The following SLC36A4 variants were observed in gnomAD, a reference collection of about 807,000 sequenced individuals.
SLC36A4 encodes the protein solute carrier family 36 member 4.
A neutral mutation model predicts 50.5 loss-of-function variants in SLC36A4; 49 were observed. The ratio of observed to expected loss-of-function variants is 0.97; its 90% CI spans 0.77 to 1.23. The LOEUF (loss-of-function observed/expected upper bound fraction) is 1.23, where lower values mean the gene tolerates loss of function less well. Among genes scored for constraint, SLC36A4 ranks in the 50% most tolerant of loss-of-function variants. The pLI is 0.00. For missense variants in SLC36A4, 611 were observed against 608.4 expected (o/e 1.00, Z -0.05); for synonymous variants, 207 against 206.5 (o/e 1.00, Z -0.02).
chr11:93,182,252 C>A (rs1220050684), intron 4 of SLC36A4: 1 of 844,634 alleles, frequency 1.2e-6, no homozygotes, highest in Non-Finnish European at 1.4e-6. Context: ...TTTTTTTTCC[C>A]AAGTATACAT....
At position 93,197,857 on chromosome 11, in the gene SLC36A4, C is replaced by A. The variant is rs1862500364; in HGVS notation, c.-25G>T. On this transcript the variant is annotated 5_prime_UTR_variant, in exon 1 of 11. Transcript: ENST00000326402. The stretch of plus-strand genomic sequence containing the variant: ...TCTCTCGCGGGTCTCCAGGACGCCG[C>A]CGCCCGAGTGCTCACTCTCCCGCCG... 2 of 1,536,306 alleles carry A rather than the reference C, an allele frequency of 1.3e-6. No homozygotes were observed. Among genetic ancestry groups the A allele is most frequent in the African/African-American group, 1.4e-5 (1 of 70,566 alleles).
At position 93,180,219 on chromosome 11, in the gene SLC36A4, A is replaced by AT. The variant is rs1011075018; in HGVS notation, c.540+577dup. On this transcript the variant is annotated intron_variant, in intron 6 of 10. Coordinates refer to ENST00000326402, the MANE Select transcript of SLC36A4 (RefSeq NM_152313.4). The stretch of plus-strand genomic sequence containing the variant: ...TTTATAGTATTGTTTTGATGGAGGG[A>AT]TTTTTTATTTCATTGCTTTCCATAT... The AT allele has an allele frequency of 8.1e-6, 8 of 985,000 alleles. No individual in the cohort carries two copies. The East Asian group carries it at 3.4e-4, about 42-fold the overall frequency. 61.0% of individuals were successfully genotyped at this position (985,000 alleles called of 1,614,324 possible).
At chr11:93,171,437 A>C (rs1861128990) in intron 6 of SLC36A4, 2 of 152,130 alleles carry the variant, frequency 1.3e-5, no homozygotes, top group Admixed American at 6.6e-5. Flanking sequence ...TGGAAGTGAC[A>C]GAGATCTACG....
At chr11:93,161,436 GTTAAATTGTAATTTAAAAATA>G (rs1860612650) in intron 9 of SLC36A4, among the ~76,000 whole-genome samples, 1 of 152,172 alleles carries the variant, frequency 6.6e-6, no homozygotes, top group Non-Finnish European at 1.5e-5. Flanking sequence ...GTTAGCTGAA[GTTAAATTGTAATTTAAAAATA>G]CAGACACACC....
chr11:93,177,152 CT>C (rs1453548263), intron 6 of SLC36A4, among the ~76,000 whole-genome samples: 2 of 152,084 alleles, frequency 1.3e-5, no homozygotes, highest in Non-Finnish European at 2.9e-5. Flanking sequence ...TTGTTCGTTT[CT>C]TTTTATTCTT....
intron 5 of SLC36A4, among the ~76,000 whole-genome samples, chr11:93,181,157 T>C (rs182620888): frequency 6.6e-6 from 1 of 152,184 alleles, no homozygotes; most frequent in Non-Finnish European, 1.5e-5. Context: ...TGACTGCTTA[T>C]GCTTCCTTAT....
intron 6 of SLC36A4, among the ~76,000 whole-genome samples, chr11:93,178,265 G>A (rs1861580802): frequency 6.6e-6 from 1 of 152,086 alleles, no homozygotes; most frequent in Admixed American, 6.5e-5. Flanking sequence ...TATTAGGGTG[G>A]GAGTGTCCCA....
chr11:93,157,406 T>C (rs772960999), intron 9 of SLC36A4, among the ~76,000 whole-genome samples: 11 of 152,204 alleles, frequency 7.2e-5, no homozygotes, highest in South Asian at 2.1e-4. Context: ...TTAATAGGAA[T>C]AGCATTAAAA....
chr11:93,189,770 G>A (rs1270111401), intron 1 of SLC36A4, among the ~76,000 whole-genome samples: 2 of 152,122 alleles, frequency 1.3e-5, no homozygotes, highest in East Asian at 1.9e-4. Flanking sequence ...AGAGATCACA[G>A]CAGTAAGGAA....
chr11:93,148,721 T>A lies in SLC36A4; in HGVS notation c.1331A>T (p.His444Leu), dbSNP rs200564595. The A allele has an allele frequency of 1.9e-6, 3 of 1,612,958 alleles. No individual in the cohort carries two copies. The African/African-American group carries it at 4.0e-5, about 22-fold the overall frequency. ...TTTCAGGACCATCCATATATTATAATGTTCCTTCGAAAATGTAAGAATTTC... is the reference window on the plus strand; with the variant it reads ...TTTCAGGACCATCCATATATTATAAAGTTCCTTCGAAAATGTAAGAATTTC... Reference protein sequence around the residue: ...LVEILTFSKEHYNIWMVLKNI... With the variant: ...LVEILTFSKELYNIWMVLKNI... The change falls in exon 11 of 11, where the codon CAT becomes CTT. Residue 444 changes from histidine (H) to leucine (L), a missense_variant. Coordinates refer to ENST00000326402, the MANE Select transcript of SLC36A4 (RefSeq NM_152313.4).
chr11:93,154,037 A>T (rs1348700411), intron 10 of SLC36A4, 71 bp downstream of exon 10: 6 of 706,796 alleles, frequency 8.5e-6, no homozygotes, highest in Non-Finnish European at 1.3e-5. Flanking sequence ...TTAAGAAATT[A>T]CATCTTATAT....
intron 9 of SLC36A4, chr11:93,160,639 C>T (rs1393288414): frequency 1.0e-6 from 1 of 985,254 alleles, no homozygotes; most frequent in African/African-American, 1.7e-5. Context: ...TTCTTATGTG[C>T]CTGGTAATAC....
intron 6 of SLC36A4, 63 bp downstream of exon 6, chr11:93,180,734 A>G (rs138080087): frequency 5.5e-5 from 59 of 1,072,400 alleles, no homozygotes; most frequent in Non-Finnish European, 8.1e-5. Flanking sequence ...CACAGAAGAT[A>G]TATGAAGCCA....
intron 10 of SLC36A4, among the ~76,000 whole-genome samples, chr11:93,150,371 T>G (rs1590926217): frequency 3.3e-5 from 5 of 152,114 alleles, no homozygotes; most frequent in Admixed American, 3.3e-4. Context: ...TTATGACGTT[T>G]TATTTTTTCC....
intron 9 of SLC36A4, among the ~76,000 whole-genome samples, chr11:93,156,301 G>A (rs1476308169): frequency 6.8e-6 from 1 of 147,552 alleles, no homozygotes; most frequent in African/African-American, 2.4e-5. Context: ...GTATCACACT[G>A]TGGTTTTGAT....
intron 5 of SLC36A4, 126 bp from the exon 6 acceptor site, chr11:93,181,007 G>T: frequency 1.0e-5 from 7 of 679,550 alleles, no homozygotes; most frequent in Admixed American, 2.9e-5. Flanking sequence ...AGTATGTCAG[G>T]AACTCAGAGC....
chr11:93,160,046 G>C, intron 9 of SLC36A4: 2 of 985,360 alleles, frequency 2.0e-6, no homozygotes, highest in Non-Finnish European at 1.2e-6. Flanking sequence ...GTGAAAGAGA[G>C]ACTCGTATAT....
At chr11:93,164,536 T>C (rs1860777271) in intron 8 of SLC36A4, among the ~76,000 whole-genome samples, 1 of 152,210 alleles carries the variant, frequency 6.6e-6, no homozygotes, top group African/African-American at 2.4e-5. Flanking sequence ...TAGTATTTTT[T>C]CCACTTTTCA....
intron 9 of SLC36A4, among the ~76,000 whole-genome samples, chr11:93,161,421 T>A (rs1860611667): frequency 6.6e-6 from 1 of 152,346 alleles, no homozygotes; most frequent in Admixed American, 6.5e-5. Flanking sequence ...TTGAAATACA[T>A]TTATGTTAGC....
Sources: gnomAD v4.1 joint callset for allele counts (sites outside exome capture counted in the v4.1 genomes callset) on GRCh38, gnomAD v4.1.1 for gene constraint, MANE v1.5 for transcripts, NCBI Gene and HGNC (gene_info 2026-07-23, HGNC 2026-07-21) for gene names.